RPRD2: variants seen among roughly 807,000 people sequenced by gnomAD.
RPRD2 encodes the protein regulation of nuclear pre-mRNA domain containing 2.
A neutral mutation model predicts 104.4 loss-of-function variants in RPRD2; 12 were observed. The ratio of observed to expected loss-of-function variants is 0.11; its 90% CI spans 0.07 to 0.19. The LOEUF is 0.19. Among genes scored for constraint, RPRD2 ranks in the 10% least tolerant of loss-of-function variants. The pLI, the probability that RPRD2 is intolerant of heterozygous loss-of-function variation, is 1.00. For missense variants in RPRD2, 1,543 were observed against 1,790.1 expected (o/e 0.86, Z 2.49); for synonymous variants, 714 against 684.9 (o/e 1.04, Z -0.66).
intron 1 of RPRD2, among the ~76,000 whole-genome samples, chr1:150,369,542 C>T (rs1572334026): frequency 6.8e-6 from 1 of 146,544 alleles, no homozygotes; most frequent in Non-Finnish European, 1.5e-5. Context: ...CTGCAAGCTC[C>T]GCCTCCCGGG....
At chr1:150,419,791 A>C (rs1339921340) in intron 2 of RPRD2, among the ~76,000 whole-genome samples, 1 of 152,022 alleles carries the variant, frequency 6.6e-6, no homozygotes, top group Non-Finnish European at 1.5e-5. Context: ...CACCACGCCC[A>C]GCTAATTTTG....
intron 1 of RPRD2, among the ~76,000 whole-genome samples, chr1:150,378,257 A>G (rs1232379448): frequency 1.1e-4 from 17 of 152,228 alleles, no homozygotes; most frequent in African/African-American, 3.4e-4. Context: ...TAAATCTATT[A>G]GTGATGTATA....
chr1:150,398,887 A>T (rs997961035), intron 1 of RPRD2, among the ~76,000 whole-genome samples: 2 of 152,154 alleles, frequency 1.3e-5, no homozygotes, highest in Non-Finnish European at 2.9e-5. Flanking sequence ...ATTTTGATGA[A>T]GTCCAGTTTA....
At chr1:150,413,386 A>G (rs990591175) in intron 1 of RPRD2, among the ~76,000 whole-genome samples, 8 of 152,108 alleles carry the variant, frequency 5.3e-5, no homozygotes, top group Non-Finnish European at 8.8e-5. Flanking sequence ...GGATCACCTG[A>G]GGTCGGGAGT....
intron 1 of RPRD2, among the ~76,000 whole-genome samples, chr1:150,378,509 T>C (rs1202103150): frequency 6.6e-6 from 1 of 152,144 alleles, no homozygotes; most frequent in African/African-American, 2.4e-5. Flanking sequence ...CAGTGTGGTA[T>C]ATACAGGATA....
chr1:150,453,470 C>T (rs1204322140), intron 7 of RPRD2, among the ~76,000 whole-genome samples: 1 of 152,314 alleles, frequency 6.6e-6, no homozygotes, highest in Admixed American at 6.5e-5. Context: ...ACATTTTTCT[C>T]ATTTTTGGGT....
chr1:150,365,818 C>CG (rs1276114227), intron 1 of RPRD2, among the ~76,000 whole-genome samples: 1 of 152,012 alleles, frequency 6.6e-6, no homozygotes, highest in African/African-American at 2.4e-5. Flanking sequence ...CTCGAACTCC[C>CG]GACCTCAGGT....
intron 2 of RPRD2, among the ~76,000 whole-genome samples, chr1:150,429,504 A>G (rs1447445941): frequency 6.6e-6 from 1 of 152,044 alleles, no homozygotes; most frequent in Non-Finnish European, 1.5e-5. Context: ...ACAGGCACGC[A>G]CAACCATACC....
chr1:150,374,942 T>G (rs587658178), intron 1 of RPRD2, among the ~76,000 whole-genome samples: 3 of 152,138 alleles, frequency 2.0e-5, no homozygotes, highest in Non-Finnish European at 4.4e-5. Flanking sequence ...TCTGTATTCA[T>G]TGAGCAGGAG....
intron 1 of RPRD2, among the ~76,000 whole-genome samples, chr1:150,395,832 A>G (rs1382043674): frequency 2.6e-5 from 4 of 152,002 alleles, no homozygotes; most frequent in Non-Finnish European, 5.9e-5. Flanking sequence ...TCATATAATG[A>G]CTTCTTTTCC....
chr1:150,424,185 TAC>T (rs1664955557), intron 2 of RPRD2, among the ~76,000 whole-genome samples: 1 of 152,218 alleles, frequency 6.6e-6, no homozygotes, highest in Non-Finnish European at 1.5e-5. Context: ...GTCCTACTCC[TAC>T]AGTTTCAATT....
At chr1:150,435,967 T>G (rs987212698) in intron 2 of RPRD2, among the ~76,000 whole-genome samples, 8 of 152,188 alleles carry the variant, frequency 5.3e-5, no homozygotes, top group African/African-American at 1.9e-4. Context: ...AAGCCACTGT[T>G]CATATACAAT....
chr1:150,388,448 A>G lies in RPRD2; in HGVS notation c.205+23529A>G, dbSNP rs926776553. Among the ~76,000 whole-genome samples, 30 of 150,226 alleles carry G rather than the reference A, an allele frequency of 2.0e-4. 1 individual carries two copies. Among genetic ancestry groups the G allele is most frequent in the Admixed American group, 1.4e-3 (21 of 14,908 alleles). The stretch of plus-strand genomic sequence containing the variant: ...TATACATATATACATGTATACACAC[A>G]TATATATGTATATGCATATATACAC... On this transcript the variant is annotated intron_variant, in intron 1 of 10. Coordinates refer to ENST00000369068, the MANE Select transcript of RPRD2 (RefSeq NM_015203.5).
chr1:150,372,671 G>A (rs939951681), intron 1 of RPRD2, among the ~76,000 whole-genome samples: 2 of 152,142 alleles, frequency 1.3e-5, no homozygotes, highest in Non-Finnish European at 2.9e-5. Context: ...AATGGTAAGG[G>A]AAGGCCTCAC....
chr1:150,434,179 A>G (rs1553892648), intron 2 of RPRD2, among the ~76,000 whole-genome samples: 1 of 151,518 alleles, frequency 6.6e-6, no homozygotes, highest in Admixed American at 6.6e-5. Context: ...ACGTGGCAAA[A>G]CCTGTCTCTA....
chr1:150,466,488 G>C (rs1355433685), intron 10 of RPRD2, among the ~76,000 whole-genome samples: 2 of 149,486 alleles, frequency 1.3e-5, no homozygotes, highest in East Asian at 3.9e-4. Flanking sequence ...GTTCAAGGCT[G>C]CAGTACGCTG....
At chr1:150,421,133 A>G (rs1445489796) in intron 2 of RPRD2, among the ~76,000 whole-genome samples, 1 of 152,166 alleles carries the variant, frequency 6.6e-6, no homozygotes, top group East Asian at 1.9e-4. Flanking sequence ...CCTACATAGA[A>G]AGTCATGATG....
chr1:150,432,644 A>C (rs1342259595), intron 2 of RPRD2, among the ~76,000 whole-genome samples: 6 of 83,070 alleles, frequency 7.2e-5, no homozygotes, highest in Admixed American at 4.9e-4. Context: ...AAAAAAAGCC[A>C]AAAAAAAAAA....
chr1:150,392,338 C>G (rs781883148), intron 1 of RPRD2, among the ~76,000 whole-genome samples: 1 of 152,172 alleles, frequency 6.6e-6, no homozygotes, highest in Non-Finnish European at 1.5e-5. Flanking sequence ...AACCCCATCT[C>G]TACGAAAAAT....
Sources: gnomAD v4.1 joint callset for allele counts (sites outside exome capture counted in the v4.1 genomes callset) on GRCh38, gnomAD v4.1.1 for gene constraint, MANE v1.5 for transcripts, NCBI Gene and HGNC (gene_info 2026-07-23, HGNC 2026-07-21) for gene names.